Variants in FGF13 observed in about 807,000 individuals in gnomAD.
FGF13 encodes the protein fibroblast growth factor homologous factor 2.
A neutral mutation model predicts 19.5 loss-of-function variants in FGF13; 2 were observed. That is an observed-to-expected ratio of 0.10 (90% CI 0.04 to 0.32). The LOEUF (loss-of-function observed/expected upper bound fraction) is 0.32. FGF13 is among the 10% of genes least tolerant of loss of function. FGF13 has a pLI of 1.00. For synonymous variants in FGF13, 72 were observed against 76.9 expected (o/e 0.94, Z 0.33); for missense variants, 113 against 192.7 (o/e 0.59, Z 2.45).
intron 3 of FGF13, among the ~76,000 whole-genome samples, chrX:138,758,232 C>T (rs989533413): frequency 1.2e-4 from 13 of 111,245 alleles, no homozygotes; most frequent in East Asian, 1.1e-3. Flanking sequence ...ATGTACATAC[C>T]GGGGGAATGT....
chrX:138,740,405 TAC>T (rs1197239143), upstream of FGF13, among the ~76,000 whole-genome samples: 1 of 111,975 alleles, frequency 8.9e-6, no homozygotes, highest in Non-Finnish European at 1.9e-5. Flanking sequence ...TCCATAAACT[TAC>T]ATATTTTTTC....
chrX:139,139,259 C>T (rs771586425), intron 1 of FGF13, among the ~76,000 whole-genome samples: 26 of 111,791 alleles, frequency 2.3e-4, no homozygotes, highest in Non-Finnish European at 4.1e-4. Flanking sequence ...AAACCCATCA[C>T]TACACTGCTA....
intron 1 of FGF13, among the ~76,000 whole-genome samples, chrX:138,893,539 A>G (rs1397498561): frequency 9.0e-6 from 1 of 111,087 alleles, no homozygotes; most frequent in African/African-American, 3.3e-5. Flanking sequence ...GTCAGGTATG[A>G]CCACTCAGAT....
intron 1 of FGF13, among the ~76,000 whole-genome samples, chrX:138,880,470 G>A (rs2124179937): frequency 9.0e-6 from 1 of 111,722 alleles, no homozygotes; most frequent in South Asian, 3.8e-4. Context: ...AGAAAATATG[G>A]CACATATACA....
In FGF13 at chrX:138,710,865, A is replaced by G; in HGVS notation, c.139T>C (p.Ser47Pro). 1 of 1,211,944 alleles carries G rather than the reference A, an allele frequency of 8.3e-7. No homozygotes were observed. The highest frequency in any genetic ancestry group is 1.1e-6 in the Non-Finnish European group (1 of 895,501). The change falls in exon 1 of 5, where the codon TCC (serine) becomes CCC (proline). Residue 47 changes from serine (S) to proline (P), a missense_variant. Coordinates refer to ENST00000315930, the MANE Select transcript of FGF13 (RefSeq NM_004114.5). The stretch of plus-strand genomic sequence containing the variant: ...TTGGAGCCGAAGAGTTTGACCCGGG[A>G]AAAGACATTTAACTTGTTTTTGTCG... ...SCDKNKLNVF[S>P]RVKLFGSKKR...
At chrX:138,786,594 A>G (rs1228249531) in intron 3 of FGF13, among the ~76,000 whole-genome samples, 1 of 111,597 alleles carries the variant, frequency 9.0e-6, no homozygotes, top group Admixed American at 9.6e-5. Context: ...GTTTGTCAGA[A>G]TTCCCCCACC....
chrX:138,781,223 A>C (rs5976202), intron 3 of FGF13, among the ~76,000 whole-genome samples: 2,665 of 109,921 alleles, frequency 0.024, 111 homozygotes, highest in African/African-American at 0.087. Flanking sequence ...AGGAAAGATC[A>C]AAAATTGACA....
chrX:138,962,685 G>T (rs1289839970), intron 1 of FGF13, among the ~76,000 whole-genome samples: 3 of 111,998 alleles, frequency 2.7e-5, no homozygotes, highest in Non-Finnish European at 3.8e-5. Context: ...ATGAGTTCAT[G>T]TCATTTGTAG....
intron 3 of FGF13, among the ~76,000 whole-genome samples, chrX:138,698,977 C>A (rs1210855700): frequency 9.0e-6 from 1 of 111,325 alleles, no homozygotes; most frequent in Non-Finnish European, 1.9e-5. Context: ...TGGATTTGAC[C>A]CACGGCCTTA....
At chrX:138,938,151 C>A (rs1294326466) in intron 1 of FGF13, among the ~76,000 whole-genome samples, 6 of 111,421 alleles carry the variant, frequency 5.4e-5, no homozygotes, top group Non-Finnish European at 1.1e-4. Context: ...TTTTCTCCCT[C>A]TTCTCCTCCT....
chrX:139,062,800 T>C (rs1038013931), intron 1 of FGF13, among the ~76,000 whole-genome samples: 1 of 112,078 alleles, frequency 8.9e-6, no homozygotes, highest in South Asian at 3.7e-4. Context: ...ACACAATCCC[T>C]AGTGGGGGAT....
At chrX:139,116,484 G>T (rs1428965387) in intron 1 of FGF13, among the ~76,000 whole-genome samples, 5 of 111,440 alleles carry the variant, frequency 4.5e-5, no homozygotes, top group Non-Finnish European at 7.5e-5. Context: ...TTTTCTAGTA[G>T]TTGAATTCTT....
At position 138,623,215 on chromosome X, in the gene FGF13, G is replaced by A. The variant is rs1249985622; in HGVS notation, c.*9635C>T. Reference sequence around the variant, plus strand: ...GTTAAGTTCTTTTAGCTAGTATTTTGTTGTGGATTTTTGCATCTATGTTCA... The same window carrying A: ...GTTAAGTTCTTTTAGCTAGTATTTTATTGTGGATTTTTGCATCTATGTTCA... On this transcript the variant is annotated 3_prime_UTR_variant, in exon 5 of 5. Coordinates refer to ENST00000315930, the MANE Select transcript of FGF13 (RefSeq NM_004114.5). 1 of 111,217 alleles carries A rather than the reference G, an allele frequency of 9.0e-6. No individual in the cohort carries two copies. Among genetic ancestry groups the A allele is most frequent in the Non-Finnish European group, 1.9e-5 (1 of 53,056 alleles). 9.2% of individuals were successfully genotyped at this position (111,217 alleles called of 1,213,427 possible).
chrX:139,161,493 A>G (rs1254508732), intron 1 of FGF13, among the ~76,000 whole-genome samples: 1 of 106,531 alleles, frequency 9.4e-6, no homozygotes, highest in African/African-American at 3.3e-5. Flanking sequence ...TCTGGCCACA[A>G]GACAATATAC....
chrX:138,917,644 C>A (rs376464174), intron 1 of FGF13, among the ~76,000 whole-genome samples: 2 of 112,190 alleles, frequency 1.8e-5, no homozygotes, highest in South Asian at 7.4e-4. Flanking sequence ...CACTTTTGGA[C>A]AATTGCTTCA....
At chrX:138,883,180 C>G (rs1281794199) in intron 1 of FGF13, among the ~76,000 whole-genome samples, 1 of 112,075 alleles carries the variant, frequency 8.9e-6, no homozygotes, top group Admixed American at 9.5e-5. Flanking sequence ...TTCCATGCAC[C>G]AAACAAATAA....
At chrX:138,685,845 T>A (rs1470144356) in intron 3 of FGF13, among the ~76,000 whole-genome samples, 1 of 109,704 alleles carries the variant, frequency 9.1e-6, no homozygotes, top group Non-Finnish European at 1.9e-5. Flanking sequence ...TTATTTTTTT[T>A]ATCAAGGGTC....
chrX:139,016,456 C>T (rs752816544), intron 1 of FGF13, among the ~76,000 whole-genome samples: 51 of 111,454 alleles, frequency 4.6e-4, no homozygotes, highest in Non-Finnish European at 8.7e-4. Flanking sequence ...GGCTGATAGG[C>T]AATCCAAGAT....
upstream of FGF13, chrX:139,204,139 G>C (rs757803941): frequency 3.8e-5 from 45 of 1,185,639 alleles, no homozygotes; most frequent in East Asian, 1.2e-3. Flanking sequence ...GGTTCGCTCA[G>C]AAGACGGAAG....
Sources: gnomAD v4.1 joint callset for allele counts (sites outside exome capture counted in the v4.1 genomes callset) on GRCh38, gnomAD v4.1.1 for gene constraint, MANE v1.5 for transcripts, NCBI Gene and HGNC (gene_info 2026-07-23, HGNC 2026-07-21) for gene names.